USP46: variants seen among roughly 807,000 people sequenced by gnomAD.
The protein encoded by USP46 is ubiquitin carboxyl-terminal hydrolase 46.
USP46 carries 12 observed loss-of-function variants against 44.4 expected under a neutral mutation model. The ratio of observed to expected loss-of-function variants is 0.27; its 90% CI spans 0.17 to 0.44. USP46 has a LOEUF of 0.44. USP46 is among the 20% of genes least tolerant of loss of function. The pLI, the probability that USP46 is intolerant of heterozygous loss-of-function variation, is 1.00. For synonymous variants in USP46, 155 were observed against 161.5 expected (o/e 0.96, Z 0.31); for missense variants, 248 against 444.8 (o/e 0.56, Z 3.98).
chr4:52,635,721 ACACACACCCACACTGCCCCAAACAT>A (rs1280142582), intron 1 of USP46, among the ~76,000 whole-genome samples: 1 of 152,136 alleles, frequency 6.6e-6, no homozygotes, highest in East Asian at 1.9e-4. Flanking sequence ...TATCAAAAAT[ACACACACCCACACTGCCCCAAACAT>A]CACCTCCAGT....
chr4:52,635,971 G>A (rs547861596), intron 1 of USP46, among the ~76,000 whole-genome samples: 2 of 152,060 alleles, frequency 1.3e-5, no homozygotes, highest in South Asian at 2.1e-4. Context: ...TTTTCACATC[G>A]ATGTATATAG....
chr4:52,655,402 A>G (rs571221451), intron 1 of USP46: 1 of 152,376 alleles, frequency 6.6e-6, no homozygotes, highest in Non-Finnish European at 1.5e-5. Flanking sequence ...TTTGATACAC[A>G]GCATTTTCTC....
intron 5 of USP46, among the ~76,000 whole-genome samples, 184 bp downstream of exon 5, chr4:52,610,357 C>T (rs1050026395): frequency 1.3e-5 from 2 of 152,134 alleles, no homozygotes; most frequent in Non-Finnish European, 2.9e-5. Flanking sequence ...ATTTTATGCT[C>T]TTTTTTCTCA....
At chr4:52,634,466 G>A (rs1718032536) in intron 1 of USP46, among the ~76,000 whole-genome samples, 2 of 135,578 alleles carry the variant, frequency 1.5e-5, no homozygotes, top group African/African-American at 2.8e-5. Flanking sequence ...CTGAGATCAC[G>A]CCATTGCACT....
rs34224846 is a variant in USP46 at position 52,632,918 on chromosome 4, G to GAAAGAAAGAA, written c.37-1775_37-1774insTTCTTTCTTT. 1.4e-3 allele frequency among the ~76,000 whole-genome samples: 48 copies of GAAAGAAAGAA among 35,174 alleles called. 1 individual carries two copies. The highest frequency in any genetic ancestry group is 1.8e-3 in the African/African-American group (22 of 12,570). 23.1% of individuals were successfully genotyped at this position (35,174 alleles called of 152,430 possible). A position where few individuals can be genotyped will look rare whatever the true frequency, so the allele number is the denominator to read the frequency against. ...AGGAAGGGAAAGAGAAAGAAAGAAAGAGAAAGAAAGAAAGAAAGAAAGAAA... is the reference window on the plus strand; with the variant it reads ...AGGAAGGGAAAGAGAAAGAAAGAAAGAAAGAAAGAAAGAAAGAAAGAAAGAAAGAAAGAAA... On this transcript the variant is annotated intron_variant, in intron 1 of 8. Transcript: ENST00000441222.
chr4:52,656,231 G>T (rs1028247723), intron 1 of USP46: 2 of 1,503,046 alleles, frequency 1.3e-6, no homozygotes, highest in East Asian at 2.5e-5. Flanking sequence ...AGTTAGGAGC[G>T]GGAAGGGTCA....
intron 1 of USP46, among the ~76,000 whole-genome samples, chr4:52,642,271 T>C (rs1718371277): frequency 6.6e-6 from 1 of 152,250 alleles, no homozygotes; most frequent in South Asian, 2.1e-4. Context: ...CTAGGGATTT[T>C]ACTTGTATTT....
intron 7 of USP46, among the ~76,000 whole-genome samples, chr4:52,600,104 G>C (rs1716407643): frequency 6.6e-6 from 1 of 152,130 alleles, no homozygotes; most frequent in Non-Finnish European, 1.5e-5. Context: ...TGTTTTTGGG[G>C]GTAGCAGGGT....
chr4:52,622,405 T>C (rs1717413524), intron 4 of USP46, among the ~76,000 whole-genome samples: 1 of 152,232 alleles, frequency 6.6e-6, no homozygotes, highest in Admixed American at 6.5e-5. Flanking sequence ...GGCTTTACTA[T>C]AAATCATTCC....
chr4:52,631,735 G>A (rs1717834009), intron 1 of USP46, among the ~76,000 whole-genome samples: 1 of 152,186 alleles, frequency 6.6e-6, no homozygotes, highest in Admixed American at 6.5e-5. Context: ...GCTGGGTGCA[G>A]TGTCTCATGC....
chr4:52,613,292 A>C (rs1240873474), intron 4 of USP46, among the ~76,000 whole-genome samples: 2 of 152,334 alleles, frequency 1.3e-5, no homozygotes, highest in East Asian at 3.9e-4. Flanking sequence ...TGGAATACAC[A>C]CAAAGCAACC....
At chr4:52,612,940 A>G in intron 4 of USP46, among the ~76,000 whole-genome samples, 1 of 152,202 alleles carries the variant, frequency 6.6e-6, no homozygotes, top group East Asian at 1.9e-4. Context: ...TGAAAGTTCA[A>G]AAGACTGGCT....
At chr4:52,611,306 C>G (rs940828125) in intron 4 of USP46, among the ~76,000 whole-genome samples, 1 of 152,214 alleles carries the variant, frequency 6.6e-6, no homozygotes, top group Non-Finnish European at 1.5e-5. Context: ...CCAGCTGTCT[C>G]TCAGCCTTCA....
intron 4 of USP46, among the ~76,000 whole-genome samples, chr4:52,617,738 G>T (rs77661828): frequency 0.048 from 7,267 of 152,058 alleles, 343 homozygotes; most frequent in East Asian, 0.21. Context: ...TTGTTGTTGG[G>T]TTTTCTTGCT....
At chr4:52,656,721 T>G (rs569628214) in intron 1 of USP46, 4 of 401,880 alleles carry the variant, frequency 1.0e-5, no homozygotes, top group Non-Finnish European at 1.4e-5. Context: ...GACAACTTGT[T>G]CAAGGACACA....
In USP46 at chr4:52,614,233, G is replaced by A. The variant is rs891809159; in HGVS notation, c.562-3616C>T. 5.9e-5 allele frequency among the ~76,000 whole-genome samples: 9 copies of A among 152,272 alleles called. No homozygotes were observed. The South Asian group carries it at 1.9e-3, about 32-fold the overall frequency. Reference sequence around the variant, plus strand: ...ATCAGAGTCCTAGAAGGGGAGAAAAGGGAGAATAGGGCAGTAGAACTATTT... The same window carrying A: ...ATCAGAGTCCTAGAAGGGGAGAAAAAGGAGAATAGGGCAGTAGAACTATTT... On this transcript the variant is annotated intron_variant, in intron 4 of 8. Transcript: ENST00000441222.
At chr4:52,623,845 G>A (rs1307323565) in intron 4 of USP46, among the ~76,000 whole-genome samples, 3 of 152,046 alleles carry the variant, frequency 2.0e-5, no homozygotes, top group African/African-American at 7.2e-5. Context: ...ACTTGAACCC[G>A]GGAGGCAGAG....
chr4:52,604,450 C>T lies in USP46; in HGVS notation c.722+51G>A, dbSNP rs368828791. The T allele has an allele frequency of 4.5e-5, 67 of 1,495,360 alleles. 1 individual carries two copies. The African/African-American group carries it at 6.0e-4, about 13-fold the overall frequency. The allele number at this position is 1,495,360 out of a possible 1,614,324, so 92.6% of individuals were successfully genotyped here. A position where few individuals can be genotyped will look rare whatever the true frequency, so the allele number is the denominator to read the frequency against. ...AGCCAACCCTGCTGGGCCCCACAGTCGGGATCCTTCTCACCACACAAAGAT... is the reference window on the plus strand; with the variant it reads ...AGCCAACCCTGCTGGGCCCCACAGTTGGGATCCTTCTCACCACACAAAGAT... On this transcript the variant is annotated intron_variant, in intron 6 of 8. Transcript: ENST00000441222.
rs541283219 is a variant in USP46 at position 52,645,256 on chromosome 4, A to G, written c.36+13859T>C. Among the ~76,000 whole-genome samples the G allele has an allele frequency of 5.9e-5, 9 of 151,776 alleles. No homozygotes were observed. The East Asian group carries it at 1.7e-3, about 29-fold the overall frequency. Reference sequence around the variant, plus strand: ...AAAAAAAAAAAAAGAAAACCTCAACATGACTTCATTTAATAATTGTACACA... The same window carrying G: ...AAAAAAAAAAAAAGAAAACCTCAACGTGACTTCATTTAATAATTGTACACA... On this transcript the variant is annotated intron_variant, in intron 1 of 8. Coordinates refer to ENST00000441222, the MANE Select transcript of USP46 (RefSeq NM_022832.4).
Sources: gnomAD v4.1 joint callset for allele counts (sites outside exome capture counted in the v4.1 genomes callset) on GRCh38, gnomAD v4.1.1 for gene constraint, MANE v1.5 for transcripts, NCBI Gene and HGNC (gene_info 2026-07-23, HGNC 2026-07-21) for gene names.